GNG7: variants seen among roughly 807,000 people sequenced by gnomAD.
GNG7 encodes the protein G protein subunit gamma 7.
Under a neutral mutation model 4.0 loss-of-function variants are expected in GNG7, and 1 was observed. The ratio of observed to expected loss-of-function variants is 0.25; its 90% confidence interval spans 0.09 to 1.18. GNG7 has a LOEUF of 1.18. Ranked by LOEUF, GNG7 falls within the 50% of genes most tolerant of loss-of-function variation. The pLI, the probability that GNG7 is intolerant of heterozygous loss-of-function variation, is 0.50. For missense variants in GNG7, 86 were observed against 91.9 expected, an observed-to-expected ratio of 0.94 and a Z score of 0.26; for synonymous variants, 34 against 36.9, an observed-to-expected ratio of 0.92 and a Z score of 0.29.
Position 2,557,228 on chromosome 19 carries a change from C to G in GNG7, c.-77-2040G>C, listed in dbSNP as rs576636906. 6.6e-6 allele frequency among the ~76,000 whole-genome samples: 1 copy of G among 150,572 alleles called. No individual in the cohort carries two copies. Among genetic ancestry groups the G allele is most frequent in the Admixed American group, 6.6e-5 (1 of 15,168 alleles). The stretch of plus-strand genomic sequence containing the variant: ...GCATGCACACACAGACACACATGCA[C>G]ACACAGACGCACATGTGCACACACA... On this transcript the variant is annotated intron_variant, in intron 2 of 4. Transcript: ENST00000382159. The surrounding 1 kb of genome is among the most constrained non-coding windows in gnomAD (Gnocchi z 5.1).
Position 2,557,278 on chromosome 19 carries a change from G to T in GNG7, c.-77-2090C>A, listed in dbSNP as rs541502887. 6.8e-6 allele frequency among the ~76,000 whole-genome samples: 1 copy of T among 147,842 alleles called. No homozygotes were observed. Among genetic ancestry groups the T allele is most frequent in the East Asian group, 2.0e-4 (1 of 5,052 alleles). ...ACGTGCACACACATTTGCACACACAGACACGTGCACACACAGAGGTGCACA... is the reference window on the plus strand; with the variant it reads ...ACGTGCACACACATTTGCACACACATACACGTGCACACACAGAGGTGCACA... On this transcript the variant is annotated intron_variant, in intron 2 of 4. Transcript: ENST00000382159. This position sits in a 1 kb window ranked among gnomAD's most constrained non-coding sequence, Gnocchi z 5.1.
intron 2 of GNG7, among the ~76,000 whole-genome samples, chr19:2,622,597 T>G (rs1285167796): frequency 7.2e-6 from 1 of 139,718 alleles, no homozygotes; most frequent in Non-Finnish European, 1.5e-5. Context: ...GAGGGGGGCT[T>G]CCGGGAAGGG....
chr19:2,523,912 G>GC (rs2144730957), intron 3 of GNG7, among the ~76,000 whole-genome samples: 1 of 152,260 alleles, frequency 6.6e-6, no homozygotes, highest in Non-Finnish European at 1.5e-5. Flanking sequence ...GGCAGAGAAG[G>GC]CCCAATCTGT....
intron 2 of GNG7, among the ~76,000 whole-genome samples, chr19:2,619,968 G>A (rs1189971956): frequency 6.6e-6 from 1 of 151,508 alleles, no homozygotes; most frequent in Non-Finnish European, 1.5e-5. Flanking sequence ...ACGAGGGGGG[G>A]GCGCGGATCA....
chr19:2,601,289 G>A (rs1218014356), intron 2 of GNG7, among the ~76,000 whole-genome samples: 1 of 152,074 alleles, frequency 6.6e-6, no homozygotes, highest in Non-Finnish European at 1.5e-5. Flanking sequence ...AAAACCATGG[G>A]GCACAAGTAG....
intron 2 of GNG7, among the ~76,000 whole-genome samples, chr19:2,564,454 A>G (rs1979840999): frequency 6.6e-6 from 1 of 152,070 alleles, no homozygotes; most frequent in South Asian, 2.1e-4. Flanking sequence ...GGTGGCGTGC[A>G]CCTGTACCAC....
intron 1 of GNG7, among the ~76,000 whole-genome samples, chr19:2,658,074 T>C (rs1030066059): frequency 3.3e-5 from 5 of 152,156 alleles, no homozygotes; most frequent in African/African-American, 1.2e-4. Flanking sequence ...CCGGTCTTCA[T>C]GTCTTGGTGG....
chr19:2,609,379 C>A lies in GNG7; in HGVS notation c.-78+36845G>T, dbSNP rs974554641. Among the ~76,000 whole-genome samples, 1 of 152,078 alleles carries A rather than the reference C, an allele frequency of 6.6e-6. No homozygotes were observed. Among genetic ancestry groups the A allele is most frequent in the Non-Finnish European group, 1.5e-5 (1 of 68,016 alleles). On this transcript the variant is annotated intron_variant, in intron 2 of 4. Coordinates refer to ENST00000382159, the MANE Select transcript of GNG7 (RefSeq NM_052847.3). The surrounding 1 kb of genome is among the most constrained non-coding windows in gnomAD (Gnocchi z 4.4). ...CATCTTGGTCGCTGAGGTTTTTTAGCGCCCCCTTCAATTTTGTGCCCAGTG... is the reference window on the plus strand; with the variant it reads ...CATCTTGGTCGCTGAGGTTTTTTAGAGCCCCCTTCAATTTTGTGCCCAGTG...
In GNG7 at chr19:2,617,647, G is replaced by A. The variant is rs568288991; in HGVS notation, c.-78+28577C>T. Among the ~76,000 whole-genome samples, 128 of 152,158 alleles carry A rather than the reference G, an allele frequency of 8.4e-4. 1 individual carries two copies. The highest frequency in any genetic ancestry group is 1.3e-3 in the Non-Finnish European group (86 of 68,000). ...TTGGCAAGGATGTCCCCTCCTTAGA[G>A]ACCTTCCTGGACACCACGTGGCACA... On this transcript the variant is annotated intron_variant, in intron 2 of 4. Coordinates refer to ENST00000382159, the MANE Select transcript of GNG7 (RefSeq NM_052847.3). This position sits in a 1 kb window ranked among gnomAD's most constrained non-coding sequence, Gnocchi z 4.7.
At chr19:2,682,655 CAAAAAAAAAAAA>C (rs745799326) in intron 1 of GNG7, among the ~76,000 whole-genome samples, 6 of 64,342 alleles carry the variant, frequency 9.3e-5, no homozygotes, top group African/African-American at 7.3e-5. Flanking sequence ...GACTCCATCT[CAAAAAAAAAAAA>C]AAAAAAAAAA....
intron 2 of GNG7, among the ~76,000 whole-genome samples, chr19:2,578,892 C>A (rs1346323518): frequency 6.6e-6 from 1 of 152,246 alleles, no homozygotes; most frequent in East Asian, 1.9e-4. Context: ...CCCTGGCTCC[C>A]GGCCCCCCAG....
At chr19:2,673,025 G>A (rs1312421450) in intron 1 of GNG7, among the ~76,000 whole-genome samples, 1 of 151,906 alleles carries the variant, frequency 6.6e-6, no homozygotes, top group African/African-American at 2.4e-5. Context: ...GGGAGGCCGA[G>A]GCGGGCAGAT....
In GNG7 at chr19:2,557,070, GAC is replaced by G. The variant is rs1395717222; in HGVS notation, c.-77-1884_-77-1883del. Reference sequence around the variant, plus strand: ...ACTCACACACATATGCACGCACACAGACACACGCACACACGTGCACACAGGAA... The same window carrying G: ...ACTCACACACATATGCACGCACACAGACACGCACACACGTGCACACAGGAA... On this transcript the variant is annotated intron_variant, in intron 2 of 4. Transcript: ENST00000382159. The surrounding 1 kb of genome is among the most constrained non-coding windows in gnomAD (Gnocchi z 5.1). 1.6e-4 allele frequency among the ~76,000 whole-genome samples: 23 copies of G among 145,378 alleles called. No individual in the cohort carries two copies. Among genetic ancestry groups the G allele is most frequent in the South Asian group, 2.2e-4 (1 of 4,534 alleles).
intron 3 of GNG7, among the ~76,000 whole-genome samples, chr19:2,545,512 AT>A (rs1269713141): frequency 1.3e-5 from 2 of 151,680 alleles, no homozygotes; most frequent in Non-Finnish European, 2.9e-5. Context: ...TTAGCTGGGC[AT>A]GGTAGCGCAT....
Position 2,536,506 on chromosome 19 carries a change from C to A in GNG7, c.-37-15781G>T, listed in dbSNP as rs1377719436. 2.0e-5 allele frequency among the ~76,000 whole-genome samples: 3 copies of A among 152,062 alleles called. No homozygotes were observed. In the East Asian group the frequency reaches 5.8e-4, roughly 29 times the overall value. On this transcript the variant is annotated intron_variant, in intron 3 of 4. Coordinates refer to ENST00000382159, the MANE Select transcript of GNG7 (RefSeq NM_052847.3). ...CCACATGTTTTCTTCCTAATCAGAACTAAAGTGAAAGATTAAAACAATCGA... is the reference window on the plus strand; with the variant it reads ...CCACATGTTTTCTTCCTAATCAGAAATAAAGTGAAAGATTAAAACAATCGA...
intron 2 of GNG7, among the ~76,000 whole-genome samples, chr19:2,630,434 T>A (rs73528639): frequency 0.021 from 3,188 of 152,204 alleles, 134 homozygotes; most frequent in African/African-American, 0.074. Context: ...AGGGCGATTA[T>A]CCTAGGTGGG....
chr19:2,669,953 T>C (rs1477958588), intron 1 of GNG7, among the ~76,000 whole-genome samples: 1 of 147,248 alleles, frequency 6.8e-6, no homozygotes, highest in Non-Finnish European at 1.5e-5. Flanking sequence ...GAGGTTGCAG[T>C]GAGCTGAGAT....
chr19:2,702,393 C>T (rs1479092756), intron 1 of GNG7, among the ~76,000 whole-genome samples: 1 of 149,060 alleles, frequency 6.7e-6, no homozygotes, highest in African/African-American at 2.5e-5. Context: ...CCCAGCTAGC[C>T]CTGAGCCCCA....
At chr19:2,538,609 C>T (rs1426855674) in intron 3 of GNG7, 4 of 416,364 alleles carry the variant, frequency 9.6e-6, no homozygotes, top group East Asian at 1.5e-4. Context: ...CCAGCCTGGG[C>T]AACAGAGCAA....
Sources: gnomAD v4.1 joint callset for allele counts (sites outside exome capture counted in the v4.1 genomes callset) on GRCh38, gnomAD v4.1.1 for gene constraint, Gnocchi (gnomAD v3.1) non-coding constraint, MANE v1.5 for transcripts, NCBI Gene and HGNC (gene_info 2026-07-23, HGNC 2026-07-21) for gene names.